The following SLC36A1 variants were observed in gnomAD, a reference collection of about 807,000 sequenced individuals.
SLC36A1 encodes solute carrier family 36 member 1.
In SLC36A1, 30 loss-of-function variants were observed where a neutral mutation model predicts 47.5. That is an observed-to-expected ratio of 0.63 (90% CI 0.47 to 0.86). The LOEUF (loss-of-function observed/expected upper bound fraction) is 0.86. SLC36A1 is among the 40% of genes least tolerant of loss of function. The pLI is 0.00. For synonymous variants in SLC36A1, 255 were observed against 249.7 expected (o/e 1.02, Z -0.20); for missense variants, 517 against 606.0 (o/e 0.85, Z 1.54).
chr5:151,542,167 C>T, the SLC36A1 span: 1 of 947,408 alleles, frequency 1.1e-6, no homozygotes, highest in Non-Finnish European at 1.6e-6. Flanking sequence ...GTTAAGTGTG[C>T]CCAAGGTCAC....
the SLC36A1 span, chr5:151,528,003 C>A: frequency 1.2e-6 from 2 of 1,613,986 alleles, no homozygotes; most frequent in Non-Finnish European, 1.7e-6. Context: ...CACCTGTTCC[C>A]GGTCCAGGGC....
the SLC36A1 span, among the ~76,000 whole-genome samples, chr5:151,429,943 G>A: frequency 1.3e-5 from 2 of 152,196 alleles, no homozygotes; most frequent in African/African-American, 4.8e-5. Context: ...AAGATTCAAC[G>A]ATACTCATTC....
chr5:151,505,844 AG>A, the SLC36A1 span: 1 of 1,612,498 alleles, frequency 6.2e-7, no homozygotes, highest in Non-Finnish European at 8.5e-7. Context: ...CCCGGGGACT[AG>A]GGGGCCGAGA....
chr5:151,405,350 T>A, the SLC36A1 span, among the ~76,000 whole-genome samples: 2 of 142,974 alleles, frequency 1.4e-5, no homozygotes, highest in African/African-American at 5.3e-5. Flanking sequence ...TCTCTTTTTT[T>A]TTTTTTTTTT....
At chr5:151,528,447 G>A in the SLC36A1 span, among the ~76,000 whole-genome samples, 1 of 152,178 alleles carries the variant, frequency 6.6e-6, no homozygotes. Flanking sequence ...TTCTAATTTG[G>A]AGTAAAGTAT....
the SLC36A1 span, among the ~76,000 whole-genome samples, chr5:151,515,427 T>G: frequency 7.6e-4 from 115 of 152,266 alleles, no homozygotes; most frequent in East Asian, 0.018. Flanking sequence ...CAGATCTCCA[T>G]CTCCAGCATA....
rs190380934 is a variant in SLC36A1 at position 151,468,069 on chromosome 5, G to A, written c.723+144G>A. ...TCAGGAGTTTGAGACCAGCCTGGCC[G>A]TCATGGTGAAACCTGTCTCTACTAG... is the stretch of plus-strand genomic sequence containing the variant. On this transcript the variant is annotated intron_variant, in intron 7 of 10. Transcript: ENST00000243389. 853 of 644,008 alleles carry A rather than the reference G, an allele frequency of 1.3e-3. 12 individuals are homozygous for A. The African/African-American group carries it at 0.015, about 11-fold the overall frequency. 39.9% of individuals were successfully genotyped at this position (644,008 alleles called of 1,614,324 possible).
chr5:151,488,211 G>A lies in SLC36A1; in HGVS notation c.1388G>A (p.Ser463Asn). The A allele has an allele frequency of 1.2e-6, 2 of 1,614,168 alleles. No homozygotes were observed. The highest frequency in any genetic ancestry group is 1.7e-6 in the Non-Finnish European group (2 of 1,180,018). Residue 463 changes from serine to asparagine, a missense_variant, in exon 11 of 11, where the codon AGC (serine) becomes AAC (asparagine). Physicochemically the swap from Ser to Asn is conservative, Grantham distance 46 (BLOSUM62 1). Coordinates refer to ENST00000243389, the MANE Select transcript of SLC36A1 (RefSeq NM_078483.4). ...YEALYELIQP[S>N]NAPIFINSTC... ...GCTCTCTATGAGCTGATCCAGCCAA[G>A]CAATGCTCCCATCTTCATCAATTCC...
chr5:151,358,495 T>C, the SLC36A1 span, among the ~76,000 whole-genome samples: 1 of 152,182 alleles, frequency 6.6e-6, no homozygotes, highest in Non-Finnish European at 1.5e-5. Flanking sequence ...ACTCCTGGCC[T>C]CCTCCTGCCT....
intron 3 of SLC36A1, among the ~76,000 whole-genome samples, chr5:151,464,088 T>A (rs1755979135): frequency 6.6e-6 from 1 of 152,226 alleles, no homozygotes; most frequent in Admixed American, 6.5e-5. Flanking sequence ...CCATTCTGGT[T>A]TCTTTCGGAG....
the SLC36A1 span, among the ~76,000 whole-genome samples, chr5:151,367,461 G>A: frequency 6.6e-6 from 1 of 150,596 alleles, no homozygotes; most frequent in Admixed American, 6.6e-5. Context: ...TAGGCTCTGT[G>A]CAAGAAGAAA....
the SLC36A1 span, chr5:151,538,022 T>A: frequency 7.4e-7 from 1 of 1,358,650 alleles, no homozygotes; most frequent in Non-Finnish European, 1.0e-6. Flanking sequence ...AGTGACTGAC[T>A]GAGGGAGGCA....
At chr5:151,414,861 C>G in the SLC36A1 span, 1 of 152,140 alleles carries the variant, frequency 6.6e-6, no homozygotes, top group African/African-American at 2.4e-5. Context: ...CCAGCCTTAC[C>G]TCACTTATCT....
intron 10 of SLC36A1, among the ~76,000 whole-genome samples, chr5:151,483,373 C>G (rs1759066134): frequency 6.6e-6 from 1 of 152,200 alleles, no homozygotes; most frequent in Non-Finnish European, 1.5e-5. Flanking sequence ...TTGGAGCCCT[C>G]TTGACTAATC....
intron 9 of SLC36A1, 90 bp from the exon 10 acceptor site, chr5:151,479,230 A>C (rs1758487534): frequency 7.1e-7 from 1 of 1,417,338 alleles, no homozygotes; most frequent in Non-Finnish European, 9.7e-7. Flanking sequence ...GATAAGTGTC[A>C]ACAAATCGCA....
chr5:151,359,396 A>G, the SLC36A1 span, among the ~76,000 whole-genome samples: 1 of 152,190 alleles, frequency 6.6e-6, no homozygotes, highest in African/African-American at 2.4e-5. Context: ...GAGGAGGCAT[A>G]TTTTTTCTTC....
chr5:151,483,063 T>TAA (rs980147976), intron 10 of SLC36A1, among the ~76,000 whole-genome samples: 1 of 152,004 alleles, frequency 6.6e-6, no homozygotes, highest in African/African-American at 2.4e-5. Context: ...AAAATAAAAA[T>TAA]AAATAAATAA....
the SLC36A1 span, among the ~76,000 whole-genome samples, chr5:151,507,859 C>G: frequency 6.6e-5 from 10 of 152,166 alleles, no homozygotes; most frequent in African/African-American, 2.4e-4. Context: ...ATTTTTCCAG[C>G]AATGAGATCT....
At chr5:151,448,215 C>T (rs913654739) in intron 1 of SLC36A1, among the ~76,000 whole-genome samples, 3 of 152,162 alleles carry the variant, frequency 2.0e-5, no homozygotes, top group African/African-American at 7.2e-5. Context: ...TGAGCCCTTA[C>T]TCCGGGAAGG....
Sources: allele counts gnomAD v4.1 joint callset (sites outside exome capture counted in the v4.1 genomes callset), GRCh38; gene constraint gnomAD v4.1.1; transcripts MANE v1.5; gene names NCBI Gene and HGNC (gene_info 2026-07-23, HGNC 2026-07-21).